Variants in MDGA2 observed in about 807,000 individuals in gnomAD.
The protein encoded by MDGA2 is MAM domain-containing glycosylphosphatidylinositol anchor protein 2.
A neutral mutation model predicts 117.8 loss-of-function variants in MDGA2; 40 were observed. The ratio of observed to expected loss-of-function variants is 0.34; its 90% confidence interval spans 0.26 to 0.44. The LOEUF (loss-of-function observed/expected upper bound fraction) is 0.44, where lower values mean the gene tolerates loss of function less well. Ranked by LOEUF, MDGA2 falls within the 20% of genes least tolerant of loss-of-function variation. The pLI is 1.00. For missense variants in MDGA2, 1,123 were observed against 1,250.6 expected (o/e 0.90, Z 1.54); for synonymous variants, 452 against 439.0 (o/e 1.03, Z -0.37).
chr14:47,111,488 A>G (rs1881031471), intron 5 of MDGA2, among the ~76,000 whole-genome samples: 1 of 152,184 alleles, frequency 6.6e-6, no homozygotes, highest in South Asian at 2.1e-4. Context: ...TCAGAATTGC[A>G]GAAATATTCA....
At chr14:47,109,324 C>T (rs1021207490) in intron 5 of MDGA2, among the ~76,000 whole-genome samples, 6 of 152,200 alleles carry the variant, frequency 3.9e-5, no homozygotes, top group Non-Finnish European at 2.9e-5. Context: ...GGCAATTTAT[C>T]ATGCTCAAAT....
chr14:47,540,229 C>G (rs929913269), intron 1 of MDGA2, among the ~76,000 whole-genome samples: 24 of 151,842 alleles, frequency 1.6e-4, no homozygotes, highest in Non-Finnish European at 8.8e-5. Context: ...TAGCCAGGAT[C>G]GTCTCGATCT....
intron 8 of MDGA2, among the ~76,000 whole-genome samples, chr14:47,016,567 G>GT (rs1182583734): frequency 6.6e-6 from 1 of 151,762 alleles, no homozygotes; most frequent in East Asian, 1.9e-4. Context: ...ATGAATTTCC[G>GT]TGACTCACTC....
At chr14:46,969,369 G>C in intron 8 of MDGA2, among the ~76,000 whole-genome samples, 1 of 152,188 alleles carries the variant, frequency 6.6e-6, no homozygotes, top group African/African-American at 2.4e-5. Flanking sequence ...CCCACCAACA[G>C]TGTAAAAGTG....
chr14:47,030,775 C>T (rs963853707), intron 8 of MDGA2, among the ~76,000 whole-genome samples: 4 of 151,816 alleles, frequency 2.6e-5, no homozygotes, highest in African/African-American at 9.7e-5. Context: ...GCAGTTTTAC[C>T]CAGAAAAACC....
chr14:47,289,338 C>T lies in MDGA2; in HGVS notation c.420+12073G>A, dbSNP rs538412536. On this transcript the variant is annotated intron_variant, in intron 2 of 16. Transcript: ENST00000399232. ...ACACACACACACACACACACACACA[C>T]GCACACACTCTCATACTTAAGGCAT... Among the ~76,000 whole-genome samples the T allele has an allele frequency of 6.7e-5, 10 of 148,438 alleles. No individual in the cohort carries two copies. In the South Asian group the frequency reaches 1.7e-3, roughly 26 times the overall value.
At chr14:47,664,484 CTACA>C in intron 1 of MDGA2, among the ~76,000 whole-genome samples, 2 of 152,272 alleles carry the variant, frequency 1.3e-5, no homozygotes, top group South Asian at 4.1e-4. Context: ...TTGCTAATAT[CTACA>C]TTTCTTCTAT....
chr14:47,544,972 G>A (rs1024270158), intron 1 of MDGA2, among the ~76,000 whole-genome samples: 1 of 152,168 alleles, frequency 6.6e-6, no homozygotes, highest in Non-Finnish European at 1.5e-5. Flanking sequence ...CAAGGTAAGT[G>A]AGTATAAAAT....
At chr14:47,661,027 G>C (rs1001794851) in intron 1 of MDGA2, among the ~76,000 whole-genome samples, 1 of 151,986 alleles carries the variant, frequency 6.6e-6, no homozygotes, top group African/African-American at 2.4e-5. Context: ...CATATACTTC[G>C]CATGTGACAA....
At chr14:47,416,228 A>G (rs1192262173) in intron 1 of MDGA2, among the ~76,000 whole-genome samples, 2 of 152,194 alleles carry the variant, frequency 1.3e-5, no homozygotes, top group African/African-American at 4.8e-5. Context: ...GTGTGAAATC[A>G]AACATGTTAT....
chr14:47,204,559 T>C (rs1352420531), intron 3 of MDGA2, among the ~76,000 whole-genome samples: 1 of 151,968 alleles, frequency 6.6e-6, no homozygotes. Flanking sequence ...TTTTTAAAAA[T>C]ACATTATCTC....
rs1895797132 is a variant in MDGA2 at position 47,561,153 on chromosome 14, G to GGTTTTTTTTTTTT, written c.280+113363_280+113364insAAAAAAAAAAAAC. Among the ~76,000 whole-genome samples, 57 of 63,908 alleles carry GGTTTTTTTTTTTT rather than the reference G, an allele frequency of 8.9e-4. 5 individuals are homozygous for GGTTTTTTTTTTTT. The East Asian group carries it at 0.012, about 13-fold the overall frequency. The allele number at this position is 63,908 out of a possible 152,430, so 41.9% of individuals were successfully genotyped here. ...TACCTCTATCTTTGTTTTTTTTTTT[G>GGTTTTTTTTTTTT]TTTTGTTTTGTTTTTTTGTTTGTTT... On this transcript the variant is annotated intron_variant, in intron 1 of 16. Coordinates refer to ENST00000399232, the MANE Select transcript of MDGA2 (RefSeq NM_001113498.3).
rs543480046 is a variant in MDGA2 at position 47,181,678 on chromosome 14, T to C, written c.595+36343A>G. Among the ~76,000 whole-genome samples the C allele has an allele frequency of 4.6e-5, 7 of 152,330 alleles. No individual in the cohort carries two copies. In the South Asian group the frequency reaches 1.5e-3, roughly 32 times the overall value. On this transcript the variant is annotated intron_variant, in intron 3 of 16. Coordinates refer to ENST00000399232, the MANE Select transcript of MDGA2 (RefSeq NM_001113498.3). ...TTTTAGTTGAAATTTAGTTTTATCTTCTCAATTATTTTTTTTCCTACTAAA... is the reference window on the plus strand; with the variant it reads ...TTTTAGTTGAAATTTAGTTTTATCTCCTCAATTATTTTTTTTCCTACTAAA...
intron 1 of MDGA2, among the ~76,000 whole-genome samples, chr14:47,579,194 G>T (rs190445530): frequency 1.5e-4 from 23 of 152,140 alleles, no homozygotes; most frequent in African/African-American, 5.3e-4. Flanking sequence ...TATCAAAATA[G>T]AATGGATCAA....
At chr14:47,315,798 A>G (rs1247310712) in intron 1 of MDGA2, among the ~76,000 whole-genome samples, 1 of 152,144 alleles carries the variant, frequency 6.6e-6, no homozygotes, top group Admixed American at 6.6e-5. Flanking sequence ...TATCAACATA[A>G]TTTAGAGCAG....
chr14:47,414,989 T>C (rs1391274005), intron 1 of MDGA2, among the ~76,000 whole-genome samples: 3 of 152,260 alleles, frequency 2.0e-5, no homozygotes, highest in African/African-American at 7.2e-5. Context: ...AATCATTATA[T>C]ATATTTAATA....
At chr14:47,004,451 A>C (rs568365208) in intron 8 of MDGA2, among the ~76,000 whole-genome samples, 57 of 151,844 alleles carry the variant, frequency 3.8e-4, no homozygotes, top group Non-Finnish European at 6.9e-4. Flanking sequence ...CATCTATTCC[A>C]AGACCACATT....
intron 3 of MDGA2, among the ~76,000 whole-genome samples, chr14:47,191,362 C>T (rs552742217): frequency 6.7e-6 from 1 of 149,782 alleles, no homozygotes; most frequent in Admixed American, 6.7e-5. Context: ...TTTCTTTCTA[C>T]AAAATACATT....
intron 8 of MDGA2, among the ~76,000 whole-genome samples, chr14:47,029,841 T>C (rs2138624580): frequency 6.6e-6 from 1 of 152,262 alleles, no homozygotes; most frequent in South Asian, 2.1e-4. Flanking sequence ...GTTTTTCTTT[T>C]TTTTTGAGAT....
Sources: allele counts gnomAD v4.1 joint callset (sites outside exome capture counted in the v4.1 genomes callset), GRCh38; gene constraint gnomAD v4.1.1; transcripts MANE v1.5; gene names NCBI Gene and HGNC (gene_info 2026-07-23, HGNC 2026-07-21).